The following MLLT6 variants were observed in gnomAD, a reference collection of about 807,000 sequenced individuals.
MLLT6 encodes the protein MLLT6, PHD finger containing, also known as protein AF-17.
Under a neutral mutation model 103.0 loss-of-function variants are expected in MLLT6, and 22 were observed. That is an observed-to-expected ratio of 0.21 (90% CI 0.15 to 0.31). The LOEUF is 0.31. MLLT6 is among the 10% of genes least tolerant of loss of function. The probability of loss-of-function intolerance (pLI) is 1.00; values close to 1 mark genes in which losing one functional copy is unlikely to be tolerated. For missense variants in MLLT6, 1,199 were observed against 1,441.7 expected, an observed-to-expected ratio of 0.83 and a Z score of 2.73; for synonymous variants, 606 against 623.5, an observed-to-expected ratio of 0.97 and a Z score of 0.42.
At chr17:38,720,868 T>A in intron 16 of MLLT6, 121 bp downstream of exon 16, 1 of 811,342 alleles carries the variant, frequency 1.2e-6, no homozygotes, top group East Asian at 2.7e-5. Flanking sequence ...AATTGATTGA[T>A]CCATTCAGTC....
chr17:38,725,227 C>T, intron 19 of MLLT6: 1 of 530,246 alleles, frequency 1.9e-6, no homozygotes, highest in Non-Finnish European at 3.3e-6. Context: ...TCCGGGAGGA[C>T]CAATTAGAAA....
chr17:38,721,922 C>T lies in MLLT6; in HGVS notation c.2487C>T (p.Ser829=). 6.4e-7 allele frequency: 1 copy of T among 1,569,500 alleles called. No homozygotes were observed. Among genetic ancestry groups the T allele is most frequent in the South Asian group, 1.1e-5 (1 of 87,278 alleles). ...CGAGCCGCAGCAGCTCGTCGCTGTC[C>T]TTCCACAGCACGCCCCCACCGCTGC... ...GCPSRSSSSL[S]FHSTPPPLPL... Residue 829 remains serine, a synonymous_variant, in exon 17 of 20, where the codon TCC becomes TCT. Transcript: ENST00000621332.
At chr17:38,719,453 G>A (rs993213783) in intron 12 of MLLT6, 64 bp from the exon 13 acceptor site, 2 of 1,388,826 alleles carry the variant, frequency 1.4e-6, no homozygotes, top group Non-Finnish European at 2.0e-6. Flanking sequence ...TATCCATCTG[G>A]GGGCGGGGAC....
At chr17:38,722,634 T>TGGGGGGGGGG in intron 17 of MLLT6, 44 bp from the exon 18 acceptor site, 1 of 532,162 alleles carries the variant, frequency 1.9e-6, no homozygotes, top group Non-Finnish European at 3.6e-6. Context: ...CCCTCCCCCA[T>TGGGGGGGGGG]GGTCTGTGTG....
Position 38,705,531 on chromosome 17 carries a change from G to T in MLLT6, c.-102G>T. ...GGCGGCGGCGGAGGGAGAGGAGGAG[G>T]GGGCGAGGAGGCGCGCGGCCCCCCG... On this transcript the variant is annotated 5_prime_UTR_variant, in exon 1 of 20. Coordinates refer to ENST00000621332, the MANE Select transcript of MLLT6 (RefSeq NM_005937.4). 1 of 494,882 alleles carries T rather than the reference G, an allele frequency of 2.0e-6. No homozygotes were observed. The highest frequency in any genetic ancestry group is 3.6e-6 in the Non-Finnish European group (1 of 278,332). The allele number at this position is 494,882 out of a possible 1,614,324, so 30.7% of individuals were successfully genotyped here.
At chr17:38,717,342 C>T (rs182719246) in intron 10 of MLLT6, 90 bp from the exon 11 acceptor site, 117 of 1,064,174 alleles carry the variant, frequency 1.1e-4, no homozygotes, top group East Asian at 9.3e-4. Context: ...GGGGAGCACT[C>T]GAGCTGGGGA....
intron 9 of MLLT6, 53 bp downstream of exon 9, chr17:38,715,881 G>T (rs1567926580): frequency 2.7e-6 from 4 of 1,471,980 alleles, no homozygotes; most frequent in Non-Finnish European, 3.7e-6. Flanking sequence ...CTTTTGTCCT[G>T]AGCTTTTCTG....
At chr17:38,715,330 A>G (rs1001359939) in intron 8 of MLLT6, 4 of 418,228 alleles carry the variant, frequency 9.6e-6, no homozygotes, top group Non-Finnish European at 1.7e-5. Flanking sequence ...GACTGTTTTC[A>G]TCTCCCTCTT....
At chr17:38,717,129 CT>C in intron 10 of MLLT6, 148 bp downstream of exon 10, 1 of 1,219,058 alleles carries the variant, frequency 8.2e-7, no homozygotes, top group South Asian at 1.5e-5. Context: ...GGACATCCCC[CT>C]CTGCATGCGT....
At chr17:38,711,764 G>C (rs905236692) in intron 6 of MLLT6, 83 bp from the exon 7 acceptor site, 101 of 1,442,158 alleles carry the variant, frequency 7.0e-5, no homozygotes, top group Non-Finnish European at 9.2e-5. Context: ...TGACCCCCAG[G>C]ATCAGGATCC....
intron 12 of MLLT6, 51 bp downstream of exon 12, chr17:38,718,004 C>A: frequency 7.8e-7 from 1 of 1,277,278 alleles, no homozygotes; most frequent in Non-Finnish European, 1.1e-6. Context: ...GGTCGGACAC[C>A]CATCACCTGC....
At position 38,709,129 on chromosome 17, in the gene MLLT6, C is replaced by T. The variant is rs1905050144; in HGVS notation, c.355-44C>T. 1 of 1,502,356 alleles carries T rather than the reference C, an allele frequency of 6.7e-7. No individual in the cohort carries two copies. The highest frequency in any genetic ancestry group is 1.4e-5 in the African/African-American group (1 of 72,326). The allele number at this position is 1,502,356 out of a possible 1,614,324, so 93.1% of individuals were successfully genotyped here. ...GGTGGCCTAAGGACCATCAGTAGAA[C>T]AGGGGCTCCCTGGAGGAGGGGACGA... On this transcript the variant is annotated intron_variant, in intron 4 of 19. Coordinates refer to ENST00000621332, the MANE Select transcript of MLLT6 (RefSeq NM_005937.4). The surrounding 1 kb of genome is among the most constrained non-coding windows in gnomAD (Gnocchi z 4.3).
At chr17:38,707,162 C>T in intron 2 of MLLT6, 133 bp downstream of exon 2, 6 of 700,584 alleles carry the variant, frequency 8.6e-6, no homozygotes, top group Non-Finnish European at 1.4e-5. Flanking sequence ...CTGTTTCCTG[C>T]ACACCTACCT....
chr17:38,715,677 CAGGGAGTCAA>C lies in MLLT6; in HGVS notation c.890_899del (p.Glu297GlyfsTer9). 6.2e-7 allele frequency: 1 copy of C among 1,614,160 alleles called. No homozygotes were observed. On this transcript the variant is annotated frameshift_variant, in exon 9 of 20. Transcript: ENST00000621332. LOFTEE classifies it high-confidence loss of function. Reference sequence around the variant, plus strand: ...GCACGCAGGAGACCTCTGAGAGCAGCAGGGAGTCAAAGGGGAAAAAGTCTTCCAGCCATAG... The same window carrying C: ...GCACGCAGGAGACCTCTGAGAGCAGCAGGGGAAAAAGTCTTCCAGCCATAG...
chr17:38,709,291 C>A lies in MLLT6; in HGVS notation c.458+15C>A. 6.3e-7 allele frequency: 1 copy of A among 1,596,154 alleles called. No individual in the cohort carries two copies. Among genetic ancestry groups the A allele is most frequent in the Non-Finnish European group, 8.6e-7 (1 of 1,163,524 alleles). ...CACGTCACCTGGTGAGACCCCTGTC[C>A]CACCCCCCTGCCCCCCGGGTTTGTC... On this transcript the variant is annotated intron_variant, in intron 5 of 19. Transcript: ENST00000621332. The surrounding 1 kb of genome is among the most constrained non-coding windows in gnomAD (Gnocchi z 4.3).
At chr17:38,719,657 G>T in intron 13 of MLLT6, 74 bp downstream of exon 13, 1 of 1,565,748 alleles carries the variant, frequency 6.4e-7, no homozygotes, top group Non-Finnish European at 8.7e-7. Flanking sequence ...CGGAGAGACC[G>T]GCGTGGGCTG....
chr17:38,707,162 C>A, intron 2 of MLLT6, 133 bp downstream of exon 2: 1 of 700,584 alleles, frequency 1.4e-6, no homozygotes, highest in Non-Finnish European at 2.3e-6. Flanking sequence ...CTGTTTCCTG[C>A]ACACCTACCT....
At chr17:38,706,841 A>G (rs1904948181) in intron 1 of MLLT6, 109 bp from the exon 2 acceptor site, 1 of 834,484 alleles carries the variant, frequency 1.2e-6, no homozygotes, top group Non-Finnish European at 1.9e-6. Context: ...AGCAGCCCCC[A>G]CTGCTGGAAC....
chr17:38,718,376 AAAAC>A (rs1034873208), intron 12 of MLLT6: 7 of 161,814 alleles, frequency 4.3e-5, no homozygotes, highest in African/African-American at 1.7e-4. Flanking sequence ...ACTCCGTCTC[AAAAC>A]AAACAAAATC....
Sources: allele counts gnomAD v4.1 joint callset, GRCh38; gene constraint gnomAD v4.1.1; non-coding constraint Gnocchi (gnomAD v3.1); transcripts MANE v1.5; gene names NCBI Gene and HGNC (gene_info 2026-07-23, HGNC 2026-07-21).